PTPN3: variants seen among roughly 807,000 people sequenced by gnomAD.
PTPN3 encodes tyrosine-protein phosphatase non-receptor type 3.
Under a neutral mutation model 132.7 loss-of-function variants are expected in PTPN3, and 96 were observed. The ratio of observed to expected loss-of-function variants is 0.72; its 90% CI spans 0.61 to 0.86. The LOEUF (loss-of-function observed/expected upper bound fraction) is 0.86, where lower values mean the gene tolerates loss of function less well. Among genes scored for constraint, PTPN3 ranks in the 40% least tolerant of loss-of-function variants. The pLI is 0.00. For missense variants in PTPN3, 1,125 were observed against 1,159.6 expected, an observed-to-expected ratio of 0.97 and a Z score of 0.43; for synonymous variants, 398 against 429.0, an observed-to-expected ratio of 0.93 and a Z score of 0.89.
the PTPN3 span, among the ~76,000 whole-genome samples, chr9:109,534,803 A>AAAACAAACAAACAAAC: frequency 7.3e-5 from 11 of 150,558 alleles, no homozygotes; most frequent in South Asian, 2.1e-4. Context: ...ACTCCGTCTC[A>AAAACAAACAAACAAAC]AAACAAACAA....
In PTPN3 at chr9:109,400,210, G is replaced by A. The variant is rs1005073258; in HGVS notation, c.1953+4238C>T. On this transcript the variant is annotated intron_variant, in intron 19 of 25. Transcript: ENST00000374541. ...CCCAAAGTACTGGGATTAGAGGCAT[G>A]AGCCCTCATGTCCGGCCTGTGACCA... 3.9e-5 allele frequency among the ~76,000 whole-genome samples: 6 copies of A among 152,192 alleles called. No homozygotes were observed. In the East Asian group the frequency reaches 9.6e-4, roughly 24 times the overall value.
At chr9:109,482,041 C>T (rs17793873) in intron 1 of PTPN3, among the ~76,000 whole-genome samples, 5,311 of 152,284 alleles carry the variant, frequency 0.035, 202 homozygotes, top group East Asian at 0.22. Flanking sequence ...TGCCCATAGG[C>T]GCTTAAGAAA....
At chr9:109,446,109 A>G (rs1166425163) in intron 6 of PTPN3, among the ~76,000 whole-genome samples, 2 of 152,172 alleles carry the variant, frequency 1.3e-5, no homozygotes, top group Non-Finnish European at 2.9e-5. Flanking sequence ...GCAGACCTGG[A>G]GCAGGGGTCA....
chr9:109,412,628 C>T (rs1842173696), intron 14 of PTPN3, among the ~76,000 whole-genome samples: 1 of 152,122 alleles, frequency 6.6e-6, no homozygotes, highest in Non-Finnish European at 1.5e-5. Context: ...CTGCCTCGGC[C>T]TCCCAAAGTG....
At chr9:109,494,278 T>C (rs537021084) in intron 1 of PTPN3, among the ~76,000 whole-genome samples, 29 of 152,274 alleles carry the variant, frequency 1.9e-4, no homozygotes, top group African/African-American at 7.0e-4. Flanking sequence ...CGAGACCAGC[T>C]TGGGCAACAT....
At chr9:109,537,028 C>T in the PTPN3 span, among the ~76,000 whole-genome samples, 2 of 152,040 alleles carry the variant, frequency 1.3e-5, 1 homozygote, top group South Asian at 4.2e-4. Flanking sequence ...AGGGCATGGA[C>T]CTGGCTCCCT....
In PTPN3 at chr9:109,376,899, G is replaced by C. The variant is rs1474820383; in HGVS notation, c.*2657C>G. On this transcript the variant is annotated 3_prime_UTR_variant, in exon 26 of 26. Transcript: ENST00000374541. ...TGGATTTGTTCCTGGCAACCTCGCT[G>C]GGTCTGAACTGCTGGCCTGCCCAGT... 1 of 152,218 alleles carries C rather than the reference G, an allele frequency of 6.6e-6. No individual in the cohort carries two copies. The highest frequency in any genetic ancestry group is 1.5e-5 in the Non-Finnish European group (1 of 68,048). The allele number at this position is 152,218 out of a possible 1,614,324, so 9.4% of individuals were successfully genotyped here.
At position 109,383,461 on chromosome 9, in the gene PTPN3, C is replaced by T. The variant is rs370019146; in HGVS notation, c.2344G>A (p.Ala782Thr). The change falls in exon 23 of 26, where the codon GCC (alanine) becomes ACC (threonine). Residue 782 changes from alanine to threonine, a missense_variant. Physicochemically the swap from Ala to Thr is moderately conservative, Grantham distance 58. Coordinates refer to ENST00000374541, the MANE Select transcript of PTPN3 (RefSeq NM_002829.4). Reference protein sequence around the residue: ...IQCQSEDCTIAYVSREMLVTN... With the variant: ...IQCQSEDCTITYVSREMLVTN... ...ACCAGCATTTCTCGGGACACATAGG[C>T]GATGGTGCAGTCCTCTGACTGACAC... 3.8e-5 allele frequency: 61 copies of T among 1,614,012 alleles called. No individual in the cohort carries two copies. Among genetic ancestry groups the T allele is most frequent in the African/African-American group, 1.7e-4 (13 of 74,978 alleles).
chr9:109,510,576 AATATAT>A, the PTPN3 span, among the ~76,000 whole-genome samples: 21 of 47,324 alleles, frequency 4.4e-4, no homozygotes, highest in Non-Finnish European at 6.2e-4. Context: ...AAAAAAAAAA[AATATAT>A]ATATATATAT....
intron 8 of PTPN3, 151 bp from the exon 9 acceptor site, chr9:109,437,121 C>T (rs1844111138): frequency 1.5e-6 from 2 of 1,332,548 alleles, no homozygotes; most frequent in African/African-American, 1.5e-5. Context: ...CTAAATTCTA[C>T]TAAAGCAAGT....
chr9:109,517,383 G>A, the PTPN3 span, among the ~76,000 whole-genome samples: 1 of 152,182 alleles, frequency 6.6e-6, no homozygotes, highest in Non-Finnish European at 1.5e-5. Context: ...ACCTGGAGGT[G>A]ATGCTATAAG....
At chr9:109,399,904 C>T (rs1024505724) in intron 19 of PTPN3, among the ~76,000 whole-genome samples, 6 of 151,106 alleles carry the variant, frequency 4.0e-5, no homozygotes, top group East Asian at 2.0e-4. Context: ...CAGGACTAGA[C>T]GACCCAGAGC....
the PTPN3 span, chr9:109,533,396 TCGG>T: frequency 4.6e-6 from 4 of 876,026 alleles, no homozygotes; most frequent in Non-Finnish European, 5.4e-6. Context: ...TCCGCCCGCC[TCGG>T]CCTCTCAAAG....
intron 1 of PTPN3, among the ~76,000 whole-genome samples, chr9:109,468,471 A>T (rs1272644928): frequency 2.0e-5 from 3 of 151,932 alleles, no homozygotes; most frequent in Non-Finnish European, 2.9e-5. Flanking sequence ...GGTTCACGCC[A>T]TTCTCCTGCC....
At chr9:109,420,632 T>G in intron 13 of PTPN3, 32 bp from the exon 14 acceptor site, 1 of 1,578,340 alleles carries the variant, frequency 6.3e-7, no homozygotes, top group East Asian at 2.3e-5. Flanking sequence ...TGCAAAGTGT[T>G]CAAAGCAAAT....
the PTPN3 span, among the ~76,000 whole-genome samples, chr9:109,508,798 G>A: frequency 2.6e-5 from 4 of 152,164 alleles, no homozygotes; most frequent in Non-Finnish European, 5.9e-5. Flanking sequence ...TCTGTGATTG[G>A]ATATCACTGT....
chr9:109,507,722 G>T, the PTPN3 span, among the ~76,000 whole-genome samples: 6 of 152,334 alleles, frequency 3.9e-5, no homozygotes, highest in Non-Finnish European at 2.9e-5. Flanking sequence ...CACATAAGGG[G>T]TGCAGATTGA....
chr9:109,426,067 T>C (rs901040412), intron 12 of PTPN3, among the ~76,000 whole-genome samples: 2 of 148,868 alleles, frequency 1.3e-5, no homozygotes, highest in African/African-American at 4.9e-5. Flanking sequence ...TAAGAATAAA[T>C]TGACAATTTA....
intron 1 of PTPN3, among the ~76,000 whole-genome samples, chr9:109,468,790 G>A (rs1303857459): frequency 1.3e-5 from 2 of 152,248 alleles, no homozygotes; most frequent in African/African-American, 2.4e-5. Context: ...AAAGTGCCTA[G>A]CACATGTGGG....
Sources: allele counts gnomAD v4.1 joint callset (sites outside exome capture counted in the v4.1 genomes callset), GRCh38; gene constraint gnomAD v4.1.1; transcripts MANE v1.5; gene names NCBI Gene and HGNC (gene_info 2026-07-23, HGNC 2026-07-21).